Variants in PTPRK observed in about 807,000 individuals in gnomAD.
PTPRK encodes receptor-type tyrosine-protein phosphatase kappa.
Under a neutral mutation model 178.0 loss-of-function variants are expected in PTPRK, and 75 were observed. The ratio of observed to expected loss-of-function variants is 0.42; its 90% confidence interval spans 0.35 to 0.51. PTPRK has a LOEUF of 0.51. Among genes scored for constraint, PTPRK ranks in the 20% least tolerant of loss-of-function variants. The probability of loss-of-function intolerance (pLI) is 0.02; values close to 1 mark genes in which losing one functional copy is unlikely to be tolerated. For missense variants in PTPRK, 1,441 were observed against 1,797.8 expected, an observed-to-expected ratio of 0.80 and a Z score of 3.59; for synonymous variants, 637 against 620.6, an observed-to-expected ratio of 1.03 and a Z score of -0.39.
intron 5 of PTPRK, among the ~76,000 whole-genome samples, chr6:128,233,758 T>C (rs139314604): frequency 2.0e-5 from 3 of 152,302 alleles, no homozygotes; most frequent in African/African-American, 7.2e-5. Flanking sequence ...TGCCACAGTT[T>C]TGATGACAAT....
At chr6:128,409,574 T>C (rs1458487336) in intron 1 of PTPRK, among the ~76,000 whole-genome samples, 1 of 152,196 alleles carries the variant, frequency 6.6e-6, no homozygotes, top group Non-Finnish European at 1.5e-5. Context: ...ATAAAGTCTG[T>C]TCCTAGAAAT....
chr6:128,202,301 G>C (rs1285921457), intron 6 of PTPRK, among the ~76,000 whole-genome samples: 1 of 152,156 alleles, frequency 6.6e-6, no homozygotes, highest in Non-Finnish European at 1.5e-5. Context: ...CTGCCCCGGG[G>C]AAACCACGCT....
intron 3 of PTPRK, among the ~76,000 whole-genome samples, chr6:128,276,175 T>C (rs190275266): frequency 1.1e-3 from 175 of 152,216 alleles, no homozygotes; most frequent in African/African-American, 3.7e-3. Flanking sequence ...AAGATTCTAC[T>C]TGAGGCAACA....
At chr6:128,430,300 A>G (rs1244924504) in intron 1 of PTPRK, among the ~76,000 whole-genome samples, 2 of 152,250 alleles carry the variant, frequency 1.3e-5, no homozygotes, top group African/African-American at 4.8e-5. Flanking sequence ...GTAAATAGAA[A>G]TAATGTCTCC....
chr6:128,361,293 T>C (rs1005071680), intron 2 of PTPRK, among the ~76,000 whole-genome samples: 1 of 152,146 alleles, frequency 6.6e-6, no homozygotes, highest in Non-Finnish European at 1.5e-5. Context: ...TAGTTACCTG[T>C]TTTCTTCAGT....
At chr6:128,516,990 T>G (rs1858137437) in intron 1 of PTPRK, among the ~76,000 whole-genome samples, 1 of 151,458 alleles carries the variant, frequency 6.6e-6, no homozygotes, top group African/African-American at 2.4e-5. Context: ...GACAAAATTA[T>G]GGTCTGGCCA....
chr6:128,436,101 A>G (rs1845567402), intron 1 of PTPRK, among the ~76,000 whole-genome samples: 2 of 151,864 alleles, frequency 1.3e-5, no homozygotes, highest in Admixed American at 1.3e-4. Context: ...CCTTTTTTCA[A>G]TCCAAAAAGA....
chr6:128,145,708 T>C (rs1472604505), intron 7 of PTPRK, among the ~76,000 whole-genome samples: 1 of 152,174 alleles, frequency 6.6e-6, no homozygotes, highest in Non-Finnish European at 1.5e-5. Flanking sequence ...AACCATAAGC[T>C]TTTTCAGATT....
At chr6:128,335,582 CAG>C (rs766213432) in intron 2 of PTPRK, among the ~76,000 whole-genome samples, 10 of 151,524 alleles carry the variant, frequency 6.6e-5, no homozygotes, top group Non-Finnish European at 1.2e-4. Flanking sequence ...GAGAGGAAAA[CAG>C]GGTGGTAGAG....
At chr6:128,085,063 T>C (rs1237476321) in intron 8 of PTPRK, 1 of 152,166 alleles carries the variant, frequency 6.6e-6, no homozygotes, top group Non-Finnish European at 1.5e-5. Context: ...AGAGCAGGAT[T>C]TATTTCAATC....
chr6:128,249,439 T>C (rs1358036520), intron 3 of PTPRK, among the ~76,000 whole-genome samples: 1 of 152,104 alleles, frequency 6.6e-6, no homozygotes, highest in Non-Finnish European at 1.5e-5. Context: ...TTTCATTTGA[T>C]GATAAGCAAG....
At chr6:128,139,020 G>A (rs1795404058) in intron 7 of PTPRK, among the ~76,000 whole-genome samples, 2 of 152,084 alleles carry the variant, frequency 1.3e-5, no homozygotes, top group Admixed American at 6.6e-5. Flanking sequence ...ATCAGTGAAA[G>A]TTCAGAGTAG....
chr6:128,321,926 A>G, intron 3 of PTPRK, 113 bp downstream of exon 3: 2 of 1,367,692 alleles, frequency 1.5e-6, no homozygotes, highest in Admixed American at 1.8e-5. Flanking sequence ...GGGGTGGGGG[A>G]GGCAAGAGGG....
intron 13 of PTPRK, among the ~76,000 whole-genome samples, chr6:128,027,003 C>T (rs1382404408): frequency 6.6e-6 from 1 of 152,122 alleles, no homozygotes. Context: ...ACAATTCACT[C>T]CTTTTTATGA....
chr6:128,028,191 T>C (rs1774656451), intron 13 of PTPRK, among the ~76,000 whole-genome samples: 1 of 152,162 alleles, frequency 6.6e-6, no homozygotes, highest in Non-Finnish European at 1.5e-5. Context: ...GTAAAGCTCA[T>C]GGTAAAATAG....
chr6:128,266,776 G>C (rs576697333), intron 3 of PTPRK, among the ~76,000 whole-genome samples: 1 of 152,048 alleles, frequency 6.6e-6, no homozygotes, highest in Non-Finnish European at 1.5e-5. Context: ...CTTTCAACTC[G>C]GAAGTTTTTG....
chr6:128,063,758 A>G (rs1320818478), intron 13 of PTPRK, among the ~76,000 whole-genome samples: 1 of 152,202 alleles, frequency 6.6e-6, no homozygotes, highest in Non-Finnish European at 1.5e-5. Flanking sequence ...AAGCTTCTTT[A>G]TTATTCACAA....
chr6:128,480,860 C>T (rs981597376), intron 1 of PTPRK, among the ~76,000 whole-genome samples: 1 of 152,164 alleles, frequency 6.6e-6, no homozygotes, highest in African/African-American at 2.4e-5. Context: ...GGGAACAAAA[C>T]CTAAAATCTT....
At chr6:127,996,408 C>T (rs1474719515) in intron 17 of PTPRK, among the ~76,000 whole-genome samples, 2 of 152,032 alleles carry the variant, frequency 1.3e-5, no homozygotes, top group Non-Finnish European at 2.9e-5. Context: ...GTGGCTGAGT[C>T]AATTTAATTA....
Sources: allele counts gnomAD v4.1 joint callset (sites outside exome capture counted in the v4.1 genomes callset), GRCh38; gene constraint gnomAD v4.1.1; transcripts MANE v1.5; gene names NCBI Gene and HGNC (gene_info 2026-07-23, HGNC 2026-07-21).